Variants in ATP8B4 observed in about 807,000 individuals in gnomAD.
ATP8B4 encodes ATPase phospholipid transporting 8B4 (putative), also known as probable phospholipid-transporting ATPase IM.
In ATP8B4, 133 loss-of-function variants were observed where a neutral mutation model predicts 145.6. The observed-to-expected ratio is 0.91, with a 90% CI of 0.79 to 1.05. The LOEUF is 1.05. Among genes scored for constraint, ATP8B4 ranks in the 50% least tolerant of loss-of-function variants. ATP8B4 has a pLI of 0.00. For missense variants in ATP8B4, 1,458 were observed against 1,425.2 expected, an observed-to-expected ratio of 1.02 and a Z score of -0.37; for synonymous variants, 507 against 492.9, an observed-to-expected ratio of 1.03 and a Z score of -0.38.
intron 26 of ATP8B4, among the ~76,000 whole-genome samples, chr15:49,864,732 C>T (rs1016862494): frequency 2.6e-5 from 4 of 152,102 alleles, no homozygotes; most frequent in Admixed American, 1.3e-4. Flanking sequence ...CACCAGTAAT[C>T]GAGCCACATT....
intron 12 of ATP8B4, among the ~76,000 whole-genome samples, chr15:49,976,348 G>T (rs2045661444): frequency 6.9e-6 from 1 of 145,296 alleles, no homozygotes; most frequent in Non-Finnish European, 1.5e-5. Flanking sequence ...ACTTACAATG[G>T]GCTGGGGTAG....
At chr15:49,896,109 C>T (rs1180274146) in intron 23 of ATP8B4, 2 of 152,172 alleles carry the variant, frequency 1.3e-5, no homozygotes, top group Non-Finnish European at 2.9e-5. Flanking sequence ...ATAACCCCAG[C>T]CCCACGCCTA....
At chr15:50,075,346 G>A (rs1003691674) in intron 2 of ATP8B4, among the ~76,000 whole-genome samples, 2 of 152,204 alleles carry the variant, frequency 1.3e-5, no homozygotes, top group Non-Finnish European at 1.5e-5. Context: ...ACCATGAATT[G>A]TAAGAACAAA....
chr15:50,053,369 C>T (rs527459602), intron 3 of ATP8B4, among the ~76,000 whole-genome samples: 9 of 152,280 alleles, frequency 5.9e-5, no homozygotes, highest in African/African-American at 2.2e-4. Context: ...ACTGTGCTGC[C>T]CCAATTCATT....
At chr15:50,173,912 A>T (rs2044725741) in intron 1 of ATP8B4, among the ~76,000 whole-genome samples, 2 of 152,190 alleles carry the variant, frequency 1.3e-5, no homozygotes, top group Non-Finnish European at 2.9e-5. Context: ...CTAGCTAACT[A>T]AATCCAACAA....
At chr15:49,863,734 A>G (rs1427218122) in intron 26 of ATP8B4, among the ~76,000 whole-genome samples, 1 of 152,118 alleles carries the variant, frequency 6.6e-6, no homozygotes, top group African/African-American at 2.4e-5. Flanking sequence ...GAGCTCCTTG[A>G]AGCTTGGTAC....
At chr15:49,901,762 C>A in intron 20 of ATP8B4, 1 of 399,842 alleles carries the variant, frequency 2.5e-6, no homozygotes, top group Non-Finnish European at 4.8e-6. Context: ...AAAAATTTAA[C>A]AAGAAGAAAA....
intron 3 of ATP8B4, among the ~76,000 whole-genome samples, chr15:50,047,938 C>T (rs4583186): frequency 0.68 from 103,878 of 152,228 alleles, 37,696 homozygotes; most frequent in East Asian, 0.99. Flanking sequence ...CAAGGCAGCC[C>T]GTCCCCATTT....
intron 3 of ATP8B4, among the ~76,000 whole-genome samples, chr15:50,062,007 T>G (rs2053062401): frequency 6.6e-6 from 1 of 152,222 alleles, no homozygotes; most frequent in African/African-American, 2.4e-5. Flanking sequence ...CATTTATGCA[T>G]GTGAAATAAT....
At chr15:50,009,800 T>C in intron 7 of ATP8B4, 1 of 380,062 alleles carries the variant, frequency 2.6e-6, no homozygotes. Flanking sequence ...CTTTGAGACC[T>C]CTGTTTTGGC....
intron 4 of ATP8B4, among the ~76,000 whole-genome samples, chr15:50,045,280 C>G (rs1466765149): frequency 6.6e-6 from 1 of 152,132 alleles, no homozygotes; most frequent in African/African-American, 2.4e-5. Flanking sequence ...ACCTGGGTAT[C>G]ATGTCCCAAT....
intron 1 of ATP8B4, among the ~76,000 whole-genome samples, chr15:50,145,845 T>C (rs887805810): frequency 1.4e-4 from 22 of 152,058 alleles, no homozygotes; most frequent in Non-Finnish European, 5.9e-5. Flanking sequence ...GATATATGAA[T>C]ATGTCCTAAT....
intron 1 of ATP8B4, among the ~76,000 whole-genome samples, chr15:50,131,844 A>G (rs2044052454): frequency 6.6e-6 from 1 of 150,496 alleles, no homozygotes; most frequent in Admixed American, 6.6e-5. Flanking sequence ...TCATGTAATT[A>G]GAAATATTTT....
rs537808621 is a variant in ATP8B4 at position 49,993,454 on chromosome 15, C to T, written c.589+3223G>A. Among the ~76,000 whole-genome samples, 13 of 151,986 alleles carry T rather than the reference C, an allele frequency of 8.6e-5. No homozygotes were observed. In the South Asian group the frequency reaches 1.9e-3, roughly 22 times the overall value. On this transcript the variant is annotated intron_variant, in intron 9 of 27. Transcript: ENST00000284509. ...GGAAAGAAGTGATGGAGAAAACAAT[C>T]GAAGGCCAAGGAAAGCAAGAGCAAT... is the stretch of plus-strand genomic sequence containing the variant.
intron 1 of ATP8B4, among the ~76,000 whole-genome samples, chr15:50,109,671 G>A (rs3985833): frequency 0.3 from 45,605 of 151,096 alleles, 7,968 homozygotes; most frequent in East Asian, 0.65. Context: ...CCCAAACAGC[G>A]GCAATGAGAA....
At chr15:50,038,936 C>A in intron 5 of ATP8B4, 107 bp from the exon 6 acceptor site, 5 of 960,644 alleles carry the variant, frequency 5.2e-6, no homozygotes, top group Middle Eastern at 2.1e-4. Context: ...TGTGTTGTCA[C>A]TGGTCTAAGA....
chr15:50,010,801 A>T, intron 7 of ATP8B4, 44 bp downstream of exon 7: 1 of 1,296,772 alleles, frequency 7.7e-7, no homozygotes, highest in Non-Finnish European at 1.1e-6. Flanking sequence ...TATATATGCT[A>T]CTTTAATCTG....
At chr15:50,149,021 C>G (rs143659910) in intron 1 of ATP8B4, among the ~76,000 whole-genome samples, 388 of 152,282 alleles carry the variant, frequency 2.5e-3, no homozygotes, top group Middle Eastern at 0.01. Context: ...AATAACAATA[C>G]ATCATGCTAT....
intron 7 of ATP8B4, among the ~76,000 whole-genome samples, chr15:50,006,489 C>CAAAAAAA (rs750033683): frequency 4.2e-5 from 2 of 47,842 alleles, no homozygotes; most frequent in African/African-American, 7.2e-5. Context: ...ATGAGACCAC[C>CAAAAAAA]AAAAAAAAAA....
Sources: allele counts gnomAD v4.1 joint callset (sites outside exome capture counted in the v4.1 genomes callset), GRCh38; gene constraint gnomAD v4.1.1; transcripts MANE v1.5; gene names NCBI Gene and HGNC (gene_info 2026-07-23, HGNC 2026-07-21).